PFDN1: variants seen among roughly 807,000 people sequenced by gnomAD.
PFDN1 encodes prefoldin subunit 1.
A neutral mutation model predicts 17.3 loss-of-function variants in PFDN1; 6 were observed. The ratio of observed to expected loss-of-function variants is 0.35; its 90% CI spans 0.19 to 0.69. PFDN1 has a LOEUF of 0.69. PFDN1 is among the 30% of genes least tolerant of loss of function. PFDN1 has a pLI of 0.65. For synonymous variants in PFDN1, 58 were observed against 50.1 expected (o/e 1.16, Z -0.67); for missense variants, 113 against 146.2 (o/e 0.77, Z 1.17).
At chr5:140,285,091 A>G (rs759997009) in intron 2 of PFDN1, among the ~76,000 whole-genome samples, 3 of 152,210 alleles carry the variant, frequency 2.0e-5, no homozygotes, top group Non-Finnish European at 4.4e-5. Context: ...AAGTATGGTC[A>G]CCTAGACATA....
rs539229055 is a variant in PFDN1 at position 140,281,675 on chromosome 5, A to C, written c.201-142T>G. 13 of 619,402 alleles carry C rather than the reference A, an allele frequency of 2.1e-5. No individual in the cohort carries two copies. In the South Asian group the frequency reaches 2.1e-4, roughly 10 times the overall value. 38.4% of individuals were successfully genotyped at this position (619,402 alleles called of 1,614,324 possible). ...CATAATACGTCAAGCTCAGGAAACC[A>C]CCAGAAGTTTAAACCTTCTTGGCTG... On this transcript the variant is annotated intron_variant, in intron 2 of 3. Transcript: ENST00000261813.
intron 3 of PFDN1, among the ~76,000 whole-genome samples, chr5:140,258,650 C>T (rs193078124): frequency 3.1e-3 from 479 of 152,230 alleles, no homozygotes; most frequent in Non-Finnish European, 4.9e-3. Context: ...TTCATCATAA[C>T]CTTCATTAGA....
At chr5:140,248,072 C>T (rs1472498870) in intron 3 of PFDN1, among the ~76,000 whole-genome samples, 2 of 143,036 alleles carry the variant, frequency 1.4e-5, no homozygotes, top group Admixed American at 6.9e-5. Context: ...ATAAACAACT[C>T]TTTTTTTTTT....
intron 3 of PFDN1, among the ~76,000 whole-genome samples, chr5:140,250,351 G>T (rs567611896): frequency 2.0e-4 from 31 of 152,192 alleles, no homozygotes; most frequent in Non-Finnish European, 3.8e-4. Context: ...TTTGCCCTTC[G>T]CTGTGCTCTC....
intron 3 of PFDN1, among the ~76,000 whole-genome samples, chr5:140,259,411 C>T (rs1049674431): frequency 1.3e-5 from 2 of 152,186 alleles, no homozygotes; most frequent in East Asian, 1.9e-4. Context: ...CCCAAGGAAA[C>T]GATTACAGTT....
chr5:140,276,241 G>C (rs1446682283), intron 3 of PFDN1, among the ~76,000 whole-genome samples: 1 of 152,132 alleles, frequency 6.6e-6, no homozygotes, highest in Non-Finnish European at 1.5e-5. Context: ...TACTCAACTG[G>C]TGAGAGTTTA....
At chr5:140,263,994 C>T (rs1174499290) in intron 3 of PFDN1, among the ~76,000 whole-genome samples, 6 of 119,460 alleles carry the variant, frequency 5.0e-5, no homozygotes, top group African/African-American at 2.0e-4. Context: ...GCACTCCAGC[C>T]TGGGGGTCAG....
chr5:140,275,727 C>G (rs576317981), intron 3 of PFDN1, among the ~76,000 whole-genome samples: 1 of 152,222 alleles, frequency 6.6e-6, no homozygotes, highest in South Asian at 2.1e-4. Context: ...AATGGGGTAT[C>G]AGGTTAGAGA....
At chr5:140,266,417 C>T (rs1275188003) in intron 3 of PFDN1, among the ~76,000 whole-genome samples, 1 of 152,162 alleles carries the variant, frequency 6.6e-6, no homozygotes, top group African/African-American at 2.4e-5. Context: ...CTGCTCAGAT[C>T]CCAAAGCTAT....
At chr5:140,278,991 C>A (rs980498708) in intron 3 of PFDN1, among the ~76,000 whole-genome samples, 14 of 147,832 alleles carry the variant, frequency 9.5e-5, no homozygotes, top group African/African-American at 3.3e-4. Context: ...AAATAAGGCT[C>A]ATGGTAAGGA....
chr5:140,284,847 T>C (rs1181308407), intron 2 of PFDN1, among the ~76,000 whole-genome samples: 4 of 152,214 alleles, frequency 2.6e-5, no homozygotes, highest in Non-Finnish European at 5.9e-5. Context: ...CTCAAGGACT[T>C]GTAACCTGCT....
At chr5:140,281,563 G>A in intron 2 of PFDN1, 30 bp from the exon 3 acceptor site, 2 of 1,089,966 alleles carry the variant, frequency 1.8e-6, no homozygotes, top group Non-Finnish European at 2.8e-6. Context: ...TGAAAATTAA[G>A]CCACATGACT....
At chr5:140,285,765 C>T (rs1445466527) in intron 2 of PFDN1, among the ~76,000 whole-genome samples, 3 of 152,116 alleles carry the variant, frequency 2.0e-5, no homozygotes, top group Non-Finnish European at 4.4e-5. Context: ...AATTGGCTTT[C>T]ATCCTGAGAG....
Position 140,254,418 on chromosome 5 carries a change from CCCTGGT to C in PFDN1, c.286-8367_286-8362del, listed in dbSNP as rs1208155872. On this transcript the variant is annotated intron_variant, in intron 3 of 3. Coordinates refer to ENST00000261813, the MANE Select transcript of PFDN1 (RefSeq NM_002622.5). This position sits in a 1 kb window ranked among gnomAD's most constrained non-coding sequence, Gnocchi z 4.4. ...TTTCCCCTCCTTTATCCTTCATAAA[CCCTGGT>C]CCTTGAAGTTCATGGCATCATGCTT... 9.2e-5 allele frequency among the ~76,000 whole-genome samples: 14 copies of C among 152,296 alleles called. No individual in the cohort carries two copies. The highest frequency in any genetic ancestry group is 2.9e-4 in the African/African-American group (12 of 41,564).
chr5:140,274,488 G>A (rs1765259668), intron 3 of PFDN1, among the ~76,000 whole-genome samples: 1 of 152,062 alleles, frequency 6.6e-6, no homozygotes. Flanking sequence ...AAATAACATG[G>A]TTACTCTATC....
At chr5:140,286,126 G>A (rs1453842977) in intron 2 of PFDN1, among the ~76,000 whole-genome samples, 4 of 151,868 alleles carry the variant, frequency 2.6e-5, no homozygotes, top group African/African-American at 9.7e-5. Context: ...AAATTAGCAC[G>A]TCAGCCAGGC....
chr5:140,263,726 A>G (rs1182871892), intron 3 of PFDN1, among the ~76,000 whole-genome samples: 1 of 152,020 alleles, frequency 6.6e-6, no homozygotes, highest in Non-Finnish European at 1.5e-5. Context: ...GAGGCTTACA[A>G]TCATGGTAGA....
intron 3 of PFDN1, among the ~76,000 whole-genome samples, chr5:140,266,020 T>C (rs1765129340): frequency 1.3e-5 from 2 of 152,188 alleles, no homozygotes. Flanking sequence ...TCCTCTGCCC[T>C]AGCCCCACCT....
rs566748496 is a variant in PFDN1 at position 140,273,260 on chromosome 5, A to G, written c.285+8189T>C. On this transcript the variant is annotated intron_variant, in intron 3 of 3. Coordinates refer to ENST00000261813, the MANE Select transcript of PFDN1 (RefSeq NM_002622.5). ...ACTCCATCTCAAAAAAAAAAAAAAA[A>G]AGAGAAAAACAGAGGTAAGAATCAG... Among the ~76,000 whole-genome samples, 28 of 151,962 alleles carry G rather than the reference A, an allele frequency of 1.8e-4. No homozygotes were observed. The East Asian group carries it at 2.9e-3, about 16-fold the overall frequency.
Sources: gnomAD v4.1 joint callset for allele counts (sites outside exome capture counted in the v4.1 genomes callset) on GRCh38, gnomAD v4.1.1 for gene constraint, Gnocchi (gnomAD v3.1) non-coding constraint, MANE v1.5 for transcripts, NCBI Gene and HGNC (gene_info 2026-07-23, HGNC 2026-07-21) for gene names.